ADAM18: variants seen among roughly 807,000 people sequenced by gnomAD.
The protein encoded by ADAM18 is ADAM metallopeptidase domain 18.
In ADAM18, 117 loss-of-function variants were observed where a neutral mutation model predicts 94.4. The ratio of observed to expected loss-of-function variants is 1.24; its 90% CI spans 1.07 to 1.45. The LOEUF (loss-of-function observed/expected upper bound fraction) is 1.45. Ranked by LOEUF, ADAM18 falls within the 40% of genes most tolerant of loss-of-function variation. The pLI, the probability that ADAM18 is intolerant of heterozygous loss-of-function variation, is 0.00. For missense variants in ADAM18, 936 were observed against 880.0 expected, an observed-to-expected ratio of 1.06 and a Z score of -0.81; for synonymous variants, 327 against 291.6, an observed-to-expected ratio of 1.12 and a Z score of -1.24.
chr8:39,607,908 A>G (rs1053827125), intron 3 of ADAM18, among the ~76,000 whole-genome samples: 1 of 151,608 alleles, frequency 6.6e-6, no homozygotes, highest in Non-Finnish European at 1.5e-5. Flanking sequence ...CCAAATTAAC[A>G]TCTCTACCTT....
At chr8:39,694,010 T>G (rs929486672) in intron 17 of ADAM18, among the ~76,000 whole-genome samples, 1 of 151,236 alleles carries the variant, frequency 6.6e-6, no homozygotes, top group African/African-American at 2.4e-5. Flanking sequence ...TCTCTTTTTA[T>G]TAATGATATA....
intron 17 of ADAM18, among the ~76,000 whole-genome samples, chr8:39,704,667 C>T (rs1251455399): frequency 1.3e-5 from 2 of 152,026 alleles, no homozygotes; most frequent in East Asian, 1.9e-4. Context: ...TATTTCTATG[C>T]CCAGCTTAAA....
At chr8:39,633,031 C>T (rs1360101188) in intron 7 of ADAM18, among the ~76,000 whole-genome samples, 1 of 152,116 alleles carries the variant, frequency 6.6e-6, no homozygotes, top group Non-Finnish European at 1.5e-5. Context: ...ATAAAAGAGA[C>T]TTCATGCAGC....
chr8:39,681,002 A>G lies in ADAM18; in HGVS notation c.1821+776A>G, dbSNP rs1033171229. On this transcript the variant is annotated intron_variant, in intron 16 of 19. Transcript: ENST00000265707. Reference sequence around the variant, plus strand: ...GTAATCTGCTCCTGAAATGACTCTCAGTGATCCCACTTTCTGTCATTCATT... The same window carrying G: ...GTAATCTGCTCCTGAAATGACTCTCGGTGATCCCACTTTCTGTCATTCATT... Among the ~76,000 whole-genome samples, 7 of 152,210 alleles carry G rather than the reference A, an allele frequency of 4.6e-5. No individual in the cohort carries two copies. In the East Asian group the frequency reaches 1.3e-3, roughly 29 times the overall value.
At chr8:39,654,724 G>C (rs1158314235) in intron 12 of ADAM18, among the ~76,000 whole-genome samples, 2 of 152,012 alleles carry the variant, frequency 1.3e-5, no homozygotes, top group African/African-American at 4.8e-5. Flanking sequence ...CTGTCATTTT[G>C]ATAATAGCCA....
chr8:39,710,965 C>T (rs1249021032), intron 18 of ADAM18, among the ~76,000 whole-genome samples: 3 of 152,176 alleles, frequency 2.0e-5, no homozygotes, highest in Admixed American at 2.0e-4. Context: ...TTCCTAGGCT[C>T]AGCGAAAGTC....
chr8:39,635,140 A>T (rs1001760148), intron 7 of ADAM18, among the ~76,000 whole-genome samples: 6 of 152,200 alleles, frequency 3.9e-5, no homozygotes, highest in Admixed American at 2.0e-4. Flanking sequence ...ACCAGACCAG[A>T]TGCTAGCAAC....
chr8:39,661,915 A>T (rs1052998228), intron 12 of ADAM18, among the ~76,000 whole-genome samples: 1 of 150,210 alleles, frequency 6.7e-6, no homozygotes, highest in African/African-American at 2.5e-5. Flanking sequence ...TAGTGTTACA[A>T]ATTAGGCTTA....
intron 6 of ADAM18, among the ~76,000 whole-genome samples, chr8:39,614,069 C>T (rs1819361617): frequency 6.6e-6 from 1 of 152,064 alleles, no homozygotes; most frequent in Non-Finnish European, 1.5e-5. Context: ...ATATTTTTCA[C>T]AAAATATTTC....
chr8:39,722,963 A>T (rs1258852243), intron 18 of ADAM18, among the ~76,000 whole-genome samples: 1 of 146,264 alleles, frequency 6.8e-6, no homozygotes, highest in Non-Finnish European at 1.5e-5. Flanking sequence ...AATAAATAAT[A>T]ATTAAACAAA....
chr8:39,640,807 G>A (rs535570597), intron 10 of ADAM18, among the ~76,000 whole-genome samples: 31 of 123,540 alleles, frequency 2.5e-4, no homozygotes, highest in African/African-American at 8.4e-4. Flanking sequence ...TCATATTTTT[G>A]GCCACATATT....
rs557525629 is a variant in ADAM18 at position 39,727,587 on chromosome 8, C to T, written c.2178-2311C>T. 3.9e-5 allele frequency among the ~76,000 whole-genome samples: 6 copies of T among 152,292 alleles called. No homozygotes were observed. The East Asian group carries it at 9.7e-4, about 25-fold the overall frequency. On this transcript the variant is annotated intron_variant, in intron 19 of 19. Coordinates refer to ENST00000265707, the MANE Select transcript of ADAM18 (RefSeq NM_014237.3). ...AATGCAGCCAAGCTCTCTGCCAAGG[C>T]GTAACACACATGACCTTTGTTCCAG...
intron 15 of ADAM18, 83 bp downstream of exon 15, chr8:39,677,619 T>A: frequency 1.2e-6 from 1 of 867,006 alleles, no homozygotes; most frequent in Non-Finnish European, 1.7e-6. Context: ...TAATGAACAC[T>A]AAAATTTTAT....
chr8:39,655,832 A>T (rs1291619158), intron 12 of ADAM18, among the ~76,000 whole-genome samples: 1 of 150,716 alleles, frequency 6.6e-6, no homozygotes, highest in Non-Finnish European at 1.5e-5. Flanking sequence ...ATATTTCTTT[A>T]TAAATGACTA....
chr8:39,614,013 T>C (rs1819359103), intron 6 of ADAM18, among the ~76,000 whole-genome samples: 1 of 152,106 alleles, frequency 6.6e-6, no homozygotes, highest in Non-Finnish European at 1.5e-5. Context: ...ATCCCTGAAA[T>C]GGAGTGAAAG....
intron 2 of ADAM18, among the ~76,000 whole-genome samples, chr8:39,585,928 T>C (rs1376960991): frequency 6.6e-6 from 1 of 152,218 alleles, no homozygotes; most frequent in Non-Finnish European, 1.5e-5. Flanking sequence ...GCATTCAGTC[T>C]TGCATGTTTT....
At chr8:39,610,159 A>G (rs1311902809) in intron 5 of ADAM18, among the ~76,000 whole-genome samples, 2 of 152,128 alleles carry the variant, frequency 1.3e-5, no homozygotes, top group Non-Finnish European at 2.9e-5. Context: ...ATAGATAACA[A>G]CCTCATTAGA....
At chr8:39,652,406 A>G (rs1193162529) in intron 12 of ADAM18, among the ~76,000 whole-genome samples, 2 of 152,198 alleles carry the variant, frequency 1.3e-5, no homozygotes, top group Non-Finnish European at 2.9e-5. Flanking sequence ...ATTGCTCAAA[A>G]TAAGACAAAC....
At chr8:39,681,969 C>A (rs1290069363) in intron 16 of ADAM18, among the ~76,000 whole-genome samples, 2 of 152,076 alleles carry the variant, frequency 1.3e-5, no homozygotes, top group African/African-American at 4.8e-5. Flanking sequence ...TTTGAAAATT[C>A]TTAACTTCTC....
Sources: allele counts gnomAD v4.1 joint callset (sites outside exome capture counted in the v4.1 genomes callset), GRCh38; gene constraint gnomAD v4.1.1; transcripts MANE v1.5; gene names NCBI Gene and HGNC (gene_info 2026-07-23, HGNC 2026-07-21).